ZNF415: variants seen among roughly 807,000 people sequenced by gnomAD.
ZNF415 encodes the protein zinc finger protein 415.
A neutral mutation model predicts 7.3 loss-of-function variants in ZNF415; 5 were observed. That is an observed-to-expected ratio of 0.69 (90% CI 0.36 to 1.44). The LOEUF (loss-of-function observed/expected upper bound fraction) is 1.44. ZNF415 is among the 40% of genes most tolerant of loss of function. The pLI is 0.04. For missense variants in ZNF415, 628 were observed against 664.8 expected, an observed-to-expected ratio of 0.94 and a Z score of 0.61; for synonymous variants, 207 against 226.3, an observed-to-expected ratio of 0.91 and a Z score of 0.77.
At chr19:53,116,462 C>T in intron 2 of ZNF415, 29 bp from the exon 3 acceptor site, 2 of 1,613,656 alleles carry the variant, frequency 1.2e-6, no homozygotes, top group East Asian at 2.2e-5. Context: ...ACACATTTCA[C>T]CAAGAGGTTA....
chr19:53,118,822 TA>T lies in ZNF415; in HGVS notation c.16-2390del, dbSNP rs1394610321. 3.3e-4 allele frequency among the ~76,000 whole-genome samples: 50 copies of T among 151,910 alleles called. 1 individual carries two copies. The highest frequency in any genetic ancestry group is 2.9e-3 in the Admixed American group (45 of 15,256). ...GCAATGCTAAGAGGGAAGTTTATAG[TA>T]ATAAACACCTACTTGGAAAAAGTAG... On this transcript the variant is annotated intron_variant, in intron 2 of 3. Coordinates refer to ENST00000243643, the MANE Select transcript of ZNF415 (RefSeq NM_018355.4).
At position 53,108,967 on chromosome 19, in the gene ZNF415, C is replaced by G; in HGVS notation, c.1078G>C (p.Glu360Gln). The stretch of plus-strand genomic sequence containing the variant: ...GTCTGACTGAACACCTTGCCACATT[C>G]ATTGCATTTGTAAGGTTTCTTGCCA... ...HSGKKPYKCN[E>Q]CGKVFSQTSS... is the part of the protein sequence containing the mutation. The change falls in exon 4 of 4, where the codon GAA (glutamate) becomes CAA (glutamine). Residue 360 changes from glutamate to glutamine, a missense_variant. Physicochemically the swap from Glu to Gln is conservative, Grantham distance 29. Coordinates refer to ENST00000243643, the MANE Select transcript of ZNF415 (RefSeq NM_018355.4). 1.2e-6 allele frequency: 2 copies of G among 1,614,120 alleles called. No homozygotes were observed. The highest frequency in any genetic ancestry group is 1.7e-6 in the Non-Finnish European group (2 of 1,180,022).
chr19:53,113,966 T>C (rs1282492348), intron 3 of ZNF415, among the ~76,000 whole-genome samples: 1 of 152,250 alleles, frequency 6.6e-6, no homozygotes, highest in East Asian at 1.9e-4. Context: ...TCCTGAGCCA[T>C]GCTGACAATT....
At chr19:53,115,594 G>A in intron 3 of ZNF415, 3 of 815,884 alleles carry the variant, frequency 3.7e-6, no homozygotes, top group Middle Eastern at 6.2e-4. Context: ...TTTCCTCTAA[G>A]AGCTCACAGG....
intron 3 of ZNF415, 59 bp downstream of exon 3, chr19:53,116,254 A>C (rs1357572627): frequency 2.6e-6 from 4 of 1,557,838 alleles, no homozygotes; most frequent in East Asian, 4.5e-5. Flanking sequence ...GAGGCACACA[A>C]GGGAAAATGG....
At chr19:53,121,071 A>T in intron 2 of ZNF415, among the ~76,000 whole-genome samples, 1 of 83,294 alleles carries the variant, frequency 1.2e-5, no homozygotes, top group Non-Finnish European at 2.3e-5. Context: ...GTGACAGAGG[A>T]AGACTCAAAA....
In ZNF415 at chr19:53,115,612, C is replaced by T; in HGVS notation, c.136+701G>A. 6.2e-6 allele frequency: 6 copies of T among 974,876 alleles called. No homozygotes were observed. The South Asian group carries it at 8.6e-5, about 14-fold the overall frequency. 60.4% of individuals were successfully genotyped at this position (974,876 alleles called of 1,614,324 possible). A position where few individuals can be genotyped will look rare whatever the true frequency, so the allele number is the denominator to read the frequency against. Reference sequence around the variant, plus strand: ...CCTCTAAGAGCTCACAGGATATAAACATTTGTTTTCCTACAGAACTCTCCC... The same window carrying T: ...CCTCTAAGAGCTCACAGGATATAAATATTTGTTTTCCTACAGAACTCTCCC... On this transcript the variant is annotated intron_variant, in intron 3 of 3. Coordinates refer to ENST00000243643, the MANE Select transcript of ZNF415 (RefSeq NM_018355.4).
At chr19:53,124,760 C>T (rs1233546175) in intron 1 of ZNF415, among the ~76,000 whole-genome samples, 3 of 151,954 alleles carry the variant, frequency 2.0e-5, no homozygotes, top group African/African-American at 7.3e-5. Context: ...TCCTTGCTTC[C>T]AGGGACTCAA....
intron 2 of ZNF415, among the ~76,000 whole-genome samples, chr19:53,119,443 TCAA>T (rs2087623164): frequency 1.1e-4 from 1 of 8,908 alleles, no homozygotes; most frequent in African/African-American, 2.8e-4. Context: ...AGACTCCATC[TCAA>T]AAAAAAAAAA....
chr19:53,127,881 A>AAAAG (rs2089456754), intron 1 of ZNF415, among the ~76,000 whole-genome samples: 2 of 149,622 alleles, frequency 1.3e-5, no homozygotes, highest in Admixed American at 1.3e-4. Flanking sequence ...GTCTCAAAAA[A>AAAAG]AAAAAAAAGA....
Position 53,109,036 on chromosome 19 carries a change from A to C in ZNF415, c.1009T>G (p.Phe337Val). The C allele has an allele frequency of 6.2e-7, 1 of 1,613,802 alleles. No individual in the cohort carries two copies. Among genetic ancestry groups the C allele is most frequent in the Non-Finnish European group, 8.5e-7 (1 of 1,179,766 alleles). The change falls in exon 4 of 4, where the codon TTT (phenylalanine) becomes GTT (valine). Residue 337 changes from phenylalanine (F) to valine (V), a missense_variant. Phe to Val is a conservative substitution (Grantham distance 50). Coordinates refer to ENST00000243643, the MANE Select transcript of ZNF415 (RefSeq NM_018355.4). ...PYTCKECGKA[F>V]SVRSTLTNHQ... ...TTGGTAAGTGTTGACCTCACACTAA[A>C]GGCTTTGCCACACTCTTTACATGTG... is the stretch of plus-strand genomic sequence containing the variant.
At chr19:53,122,789 C>A in intron 1 of ZNF415, 46 bp from the exon 2 acceptor site, 2 of 1,437,516 alleles carry the variant, frequency 1.4e-6, no homozygotes, top group Non-Finnish European at 9.7e-7. Flanking sequence ...AAACAACACA[C>A]CCCCTCTTGT....
At chr19:53,130,415 T>G (rs73601440) in intron 1 of ZNF415, among the ~76,000 whole-genome samples, 3 of 151,620 alleles carry the variant, frequency 2.0e-5, no homozygotes, top group African/African-American at 4.8e-5. Context: ...GATTTTGAAA[T>G]TGTTAAGAAA....
Position 53,109,207 on chromosome 19 carries a change from T to C in ZNF415, c.838A>G (p.Ser280Gly). 1 of 1,613,640 alleles carries C rather than the reference T, an allele frequency of 6.2e-7. No individual in the cohort carries two copies. Residue 280 changes from serine to glycine, a missense_variant, in exon 4 of 4, where the codon AGT becomes GGT. By Grantham distance (56) the Ser-to-Gly change is moderately conservative. Coordinates refer to ENST00000243643, the MANE Select transcript of ZNF415 (RefSeq NM_018355.4). ...KPYKCNECDR[S>G]FSRNSCLALH... ...GCAAGGCATGAGTTGCGACTGAAACTTCTGTCACATTCATTACATTTGTAT... is the reference window on the plus strand; with the variant it reads ...GCAAGGCATGAGTTGCGACTGAAACCTCTGTCACATTCATTACATTTGTAT...
rs1568522915 is a variant in ZNF415, at chr19:53,107,881, A to G, written c.*496T>C. On this transcript the variant is annotated 3_prime_UTR_variant, in exon 4 of 4. Transcript: ENST00000243643. ...ATTTTAAAATCTGAGACAACCAGTG[A>G]CTTCAAACATCCTGCAACCTTTAAT... 1 of 153,388 alleles carries G rather than the reference A, an allele frequency of 6.5e-6. No individual in the cohort carries two copies. Among genetic ancestry groups the G allele is most frequent in the Non-Finnish European group, 1.5e-5 (1 of 68,922 alleles). The allele number at this position is 153,388 out of a possible 1,614,324, so 9.5% of individuals were successfully genotyped here.
chr19:53,122,310 C>A, intron 2 of ZNF415: 1 of 1,267,950 alleles, frequency 7.9e-7, no homozygotes, highest in South Asian at 1.3e-5. Context: ...GGCAGCTTCT[C>A]TATTCCTGGG....
Position 53,109,601 on chromosome 19 carries a change from A to T in ZNF415, c.444T>A (p.His148Gln). Residue 148 changes from histidine (H) to glutamine (Q), a missense_variant, in exon 4 of 4, where the codon CAT becomes CAA. Transcript: ENST00000243643. ...QLGLSFLPHPHELQQFQAEGK... is the reference protein window; with the variant it reads ...QLGLSFLPHPQELQQFQAEGK... ...CTTCAGCTTGAAACTGCTGCAGTTC[A>T]TGGGGATGTGGTAGAAAGCTTAATC... 1 of 1,614,148 alleles carries T rather than the reference A, an allele frequency of 6.2e-7. No homozygotes were observed. Among genetic ancestry groups the T allele is most frequent in the South Asian group, 1.1e-5 (1 of 91,086 alleles).
At chr19:53,119,185 GGC>G (rs2087559800) in intron 2 of ZNF415, among the ~76,000 whole-genome samples, 1 of 151,954 alleles carries the variant, frequency 6.6e-6, no homozygotes, top group African/African-American at 2.4e-5. Flanking sequence ...GGGAGGCTGA[GGC>G]AGGAGAATGG....
At chr19:53,116,161 A>G in intron 3 of ZNF415, 152 bp downstream of exon 3, 1 of 915,776 alleles carries the variant, frequency 1.1e-6, no homozygotes, top group Non-Finnish European at 1.7e-6. Context: ...GGGATGGTTA[A>G]ACTCCAGAGT....
Sources: allele counts gnomAD v4.1 joint callset (sites outside exome capture counted in the v4.1 genomes callset), GRCh38; gene constraint gnomAD v4.1.1; transcripts MANE v1.5; gene names NCBI Gene and HGNC (gene_info 2026-07-23, HGNC 2026-07-21).